Variants in SORCS2 observed in about 807,000 individuals in gnomAD.
SORCS2 encodes the protein sortilin related VPS10 domain containing receptor 2, also known as VPS10 domain-containing receptor SorCS2.
Under a neutral mutation model 141.6 loss-of-function variants are expected in SORCS2, and 100 were observed. That is an observed-to-expected ratio of 0.71 (90% confidence interval 0.60 to 0.83). The LOEUF (loss-of-function observed/expected upper bound fraction) is 0.83, where lower values mean the gene tolerates loss of function less well. Among genes scored for constraint, SORCS2 ranks in the 40% least tolerant of loss-of-function variants. The pLI, the probability that SORCS2 is intolerant of heterozygous loss-of-function variation, is 0.00. For synonymous variants in SORCS2, 789 were observed against 676.9 expected, an observed-to-expected ratio of 1.17 and a Z score of -2.57; for missense variants, 1,646 against 1,560.2, an observed-to-expected ratio of 1.05 and a Z score of -0.93.
intron 2 of SORCS2, among the ~76,000 whole-genome samples, chr4:7,510,780 C>T (rs1300968716): frequency 2.1e-5 from 3 of 142,190 alleles, no homozygotes; most frequent in Non-Finnish European, 4.6e-5. Flanking sequence ...CCGACGCTTG[C>T]GCATCCAGGT....
At chr4:7,455,753 G>A (rs1449235009) in intron 2 of SORCS2, among the ~76,000 whole-genome samples, 2 of 151,432 alleles carry the variant, frequency 1.3e-5, no homozygotes, top group African/African-American at 4.9e-5. Flanking sequence ...TCCGTCTTGG[G>A]GTCAGGCTCC....
At chr4:7,689,953 C>T (rs1384491395) in intron 11 of SORCS2, among the ~76,000 whole-genome samples, 3 of 151,570 alleles carry the variant, frequency 2.0e-5, no homozygotes, top group East Asian at 3.9e-4. Flanking sequence ...ATGGACAGAT[C>T]AATGGATGGA....
intron 3 of SORCS2, among the ~76,000 whole-genome samples, chr4:7,574,039 TC>T (rs1715576898): frequency 6.6e-6 from 1 of 152,372 alleles, no homozygotes; most frequent in Non-Finnish European, 1.5e-5. Flanking sequence ...AACCGTCCCC[TC>T]CTCCTCGTTT....
At chr4:7,739,759 C>T (rs923721654) in intron 26 of SORCS2, among the ~76,000 whole-genome samples, 6 of 152,296 alleles carry the variant, frequency 3.9e-5, no homozygotes, top group Non-Finnish European at 8.8e-5. Flanking sequence ...CCACCCGGGA[C>T]ACCCGGCTCA....
rs1721599022 is a variant in SORCS2, at chr4:7,654,039, G to A, written c.814-95G>A. On this transcript the variant is annotated intron_variant, in intron 4 of 26. Transcript: ENST00000507866. The stretch of plus-strand genomic sequence containing the variant: ...CCGCTGGACAAGGATGACTTCTCCT[G>A]GGGGATCTGCTGTGGTGAAGACATC... 3.4e-6 allele frequency: 4 copies of A among 1,172,110 alleles called. No homozygotes were observed. In the South Asian group the frequency reaches 5.4e-5, roughly 16 times the overall value. 72.6% of individuals were successfully genotyped at this position (1,172,110 alleles called of 1,614,324 possible).
chr4:7,577,556 G>T (rs1389038264), intron 3 of SORCS2, among the ~76,000 whole-genome samples: 2 of 145,264 alleles, frequency 1.4e-5, no homozygotes, highest in Non-Finnish European at 3.0e-5. Context: ...GCTAGTGGAT[G>T]GTTTGGAGAA....
intron 3 of SORCS2, among the ~76,000 whole-genome samples, chr4:7,581,966 T>C (rs948904368): frequency 4.6e-5 from 7 of 152,240 alleles, no homozygotes; most frequent in Admixed American, 3.9e-4. Context: ...TTTTATACTC[T>C]GAATTTTTAT....
intron 1 of SORCS2, among the ~76,000 whole-genome samples, chr4:7,241,542 T>TG (rs1712697295): frequency 6.6e-6 from 1 of 152,148 alleles, no homozygotes; most frequent in African/African-American, 2.4e-5. Flanking sequence ...GTGAGAGGCC[T>TG]GGTGCATGGT....
At chr4:7,485,203 G>C (rs1263008673) in intron 2 of SORCS2, among the ~76,000 whole-genome samples, 1 of 152,182 alleles carries the variant, frequency 6.6e-6, no homozygotes, top group Non-Finnish European at 1.5e-5. Context: ...GCAGCCTTCG[G>C]TCCCCAGATG....
chr4:7,403,265 C>T (rs987409427), intron 2 of SORCS2, among the ~76,000 whole-genome samples: 3 of 152,126 alleles, frequency 2.0e-5, no homozygotes, highest in Admixed American at 6.5e-5. Context: ...GGCTGATGGG[C>T]TTGGGTCTGC....
At chr4:7,199,678 G>A (rs149427650) in intron 1 of SORCS2, among the ~76,000 whole-genome samples, 1 of 151,976 alleles carries the variant, frequency 6.6e-6, no homozygotes, top group African/African-American at 2.4e-5. Flanking sequence ...CCTGGGTGGG[G>A]CGGGCCATTC....
At chr4:7,302,283 C>T (rs562110386) in intron 1 of SORCS2, among the ~76,000 whole-genome samples, 1 of 152,332 alleles carries the variant, frequency 6.6e-6, no homozygotes, top group African/African-American at 2.4e-5. Context: ...CCGCAAGTAG[C>T]TTGCACGTTG....
chr4:7,221,603 C>A (rs935629319), intron 1 of SORCS2, among the ~76,000 whole-genome samples: 9 of 152,316 alleles, frequency 5.9e-5, no homozygotes, highest in Non-Finnish European at 1.3e-4. Context: ...CCACCCAGCC[C>A]TTAACATGCT....
intron 3 of SORCS2, among the ~76,000 whole-genome samples, chr4:7,539,288 C>T (rs1560368450): frequency 6.6e-6 from 1 of 152,216 alleles, no homozygotes; most frequent in Non-Finnish European, 1.5e-5. Context: ...TTCCCAAGTT[C>T]TCTGGACCTC....
intron 2 of SORCS2, among the ~76,000 whole-genome samples, chr4:7,405,567 T>C (rs796437077): frequency 3.9e-5 from 6 of 152,230 alleles, no homozygotes; most frequent in African/African-American, 1.4e-4. Flanking sequence ...TTCACTTCCT[T>C]GGTTAAATTT....
chr4:7,595,695 G>A (rs772615986), intron 3 of SORCS2, among the ~76,000 whole-genome samples: 2 of 152,188 alleles, frequency 1.3e-5, no homozygotes, highest in Non-Finnish European at 2.9e-5. Flanking sequence ...GATGTCCTGT[G>A]CACAGGGCCT....
At chr4:7,388,892 T>TTGTTGTGG (rs113629807) in intron 1 of SORCS2, among the ~76,000 whole-genome samples, 27 of 151,494 alleles carry the variant, frequency 1.8e-4, no homozygotes, top group Non-Finnish European at 2.4e-4. Context: ...TGGTCTCTGG[T>TTGTTGTGG]TGTTGTGGTG....
chr4:7,237,544 T>C (rs1712372740), intron 1 of SORCS2, among the ~76,000 whole-genome samples: 1 of 152,188 alleles, frequency 6.6e-6, no homozygotes, highest in South Asian at 2.1e-4. Flanking sequence ...TATCTATCTA[T>C]TTATTTATTT....
intron 8 of SORCS2, among the ~76,000 whole-genome samples, chr4:7,671,773 A>G (rs530862213): frequency 1.4e-4 from 21 of 152,294 alleles, no homozygotes; most frequent in Middle Eastern, 6.8e-3. Context: ...CAGAAGAGAG[A>G]TAAAGGCAGA....
Sources: allele counts gnomAD v4.1 joint callset (sites outside exome capture counted in the v4.1 genomes callset), GRCh38; gene constraint gnomAD v4.1.1; transcripts MANE v1.5; gene names NCBI Gene and HGNC (gene_info 2026-07-23, HGNC 2026-07-21).